TRPM3: variants seen among roughly 807,000 people sequenced by gnomAD.
The protein encoded by TRPM3 is transient receptor potential cation channel subfamily M member 3.
TRPM3 carries 77 observed loss-of-function variants against 181.2 expected under a neutral mutation model. The observed-to-expected ratio is 0.42, with a 90% CI of 0.35 to 0.51. The LOEUF (loss-of-function observed/expected upper bound fraction) is 0.51, where lower values mean the gene tolerates loss of function less well. Among genes scored for constraint, TRPM3 ranks in the 20% least tolerant of loss-of-function variants. The pLI is 0.01. For missense variants in TRPM3, 1,759 were observed against 2,196.7 expected, an observed-to-expected ratio of 0.80 and a Z score of 3.98; for synonymous variants, 745 against 796.4, an observed-to-expected ratio of 0.94 and a Z score of 1.09.
At position 71,177,007 on chromosome 9, in the gene TRPM3, A is replaced by G. The variant is rs369211870; in HGVS notation, c.183+269646T>C. Among the ~76,000 whole-genome samples the G allele has an allele frequency of 1.7e-4, 26 of 152,210 alleles. No individual in the cohort carries two copies. The South Asian group carries it at 2.1e-3, about 12-fold the overall frequency. ...GTGGCATGCAAGAGAGCGAAGCTTC[A>G]TCTGTATTTACAGCCACCTCCCATC... On this transcript the variant is annotated intron_variant, in intron 1 of 24. Transcript: ENST00000357533.
chr9:70,692,628 G>A (rs970025501), intron 8 of TRPM3, among the ~76,000 whole-genome samples: 4 of 152,228 alleles, frequency 2.6e-5, no homozygotes, highest in African/African-American at 7.2e-5. Context: ...GAGGAGCCAT[G>A]CGCAGAATCA....
intron 1 of TRPM3, among the ~76,000 whole-genome samples, chr9:70,905,790 T>G (rs77132135): frequency 0.029 from 4,432 of 151,818 alleles, 231 homozygotes; most frequent in African/African-American, 0.1. Context: ...GCACCCAGGC[T>G]GGAGTGCGGT....
At chr9:70,562,823 A>T (rs2049469754) in intron 22 of TRPM3, among the ~76,000 whole-genome samples, 1 of 152,164 alleles carries the variant, frequency 6.6e-6, no homozygotes, top group Non-Finnish European at 1.5e-5. Context: ...ATTTTATGCA[A>T]ATCTTGCCTT....
intron 1 of TRPM3, among the ~76,000 whole-genome samples, chr9:71,275,360 A>G (rs1443976655): frequency 2.0e-5 from 3 of 152,244 alleles, no homozygotes; most frequent in African/African-American, 7.2e-5. Context: ...AAATTGTAAC[A>G]TTTTATTGAA....
At chr9:71,268,943 T>C (rs1388587373) in intron 1 of TRPM3, among the ~76,000 whole-genome samples, 2 of 152,000 alleles carry the variant, frequency 1.3e-5, no homozygotes, top group Non-Finnish European at 2.9e-5. Context: ...AGGAGTAAGG[T>C]TAGAGGCCAT....
At chr9:71,302,559 A>T (rs1215212160) in intron 1 of TRPM3, among the ~76,000 whole-genome samples, 1 of 152,222 alleles carries the variant, frequency 6.6e-6, no homozygotes, top group Non-Finnish European at 1.5e-5. Context: ...CATTGGTTCA[A>T]GCGAAAGGTA....
chr9:70,842,511 G>A (rs2094743813), intron 5 of TRPM3, among the ~76,000 whole-genome samples: 1 of 152,016 alleles, frequency 6.6e-6, no homozygotes, highest in African/African-American at 2.4e-5. Context: ...AATTTTTGTG[G>A]CTCAGATAGA....
intron 1 of TRPM3, among the ~76,000 whole-genome samples, chr9:71,368,223 A>G: frequency 6.6e-6 from 1 of 152,132 alleles, no homozygotes; most frequent in East Asian, 1.9e-4. Flanking sequence ...ATTGTGAGTA[A>G]AACTGTAGAA....
intron 5 of TRPM3, among the ~76,000 whole-genome samples, chr9:70,830,279 T>G (rs1349154059): frequency 6.6e-6 from 1 of 152,250 alleles, no homozygotes; most frequent in Non-Finnish European, 1.5e-5. Context: ...GCCAAGCTGA[T>G]GTATTCACCA....
chr9:71,006,157 G>A (rs184526169), intron 1 of TRPM3, among the ~76,000 whole-genome samples: 2 of 151,972 alleles, frequency 1.3e-5, no homozygotes, highest in African/African-American at 2.4e-5. Context: ...AGTTAGCCCC[G>A]CGTGTTGCCA....
chr9:70,802,977 G>C (rs1429614027), intron 6 of TRPM3, among the ~76,000 whole-genome samples: 1 of 145,526 alleles, frequency 6.9e-6, no homozygotes, highest in African/African-American at 2.5e-5. Context: ...TCTCAGGAGA[G>C]GTTTGTGTTG....
At chr9:71,040,424 G>A (rs1182684631) in intron 1 of TRPM3, among the ~76,000 whole-genome samples, 1 of 152,082 alleles carries the variant, frequency 6.6e-6, no homozygotes, top group African/African-American at 2.4e-5. Context: ...AGTTACAGTG[G>A]GATGTCAGAG....
At chr9:71,035,615 G>A (rs1228106927) in intron 1 of TRPM3, among the ~76,000 whole-genome samples, 1 of 152,132 alleles carries the variant, frequency 6.6e-6, no homozygotes, top group Non-Finnish European at 1.5e-5. Context: ...TACTCAGGAG[G>A]CTGAGGCATG....
intron 1 of TRPM3, among the ~76,000 whole-genome samples, chr9:71,130,170 T>A (rs779350771): frequency 1.3e-5 from 2 of 152,218 alleles, no homozygotes; most frequent in Non-Finnish European, 2.9e-5. Flanking sequence ...AAGTTTACAC[T>A]GTAAGTTTCA....
At chr9:71,407,069 A>G (rs2093449997) in intron 1 of TRPM3, among the ~76,000 whole-genome samples, 1 of 152,174 alleles carries the variant, frequency 6.6e-6, no homozygotes, top group South Asian at 2.1e-4. Flanking sequence ...TATGTTTCCT[A>G]TCTAGCTCAG....
intron 1 of TRPM3, among the ~76,000 whole-genome samples, chr9:71,045,654 G>T (rs190912737): frequency 3.3e-5 from 5 of 152,270 alleles, no homozygotes; most frequent in Admixed American, 2.6e-4. Context: ...ATTTTTGACT[G>T]GGAGAAAGAA....
chr9:71,380,952 G>A (rs907945752), intron 1 of TRPM3, among the ~76,000 whole-genome samples: 7 of 151,268 alleles, frequency 4.6e-5, no homozygotes, highest in Non-Finnish European at 8.8e-5. Context: ...AAATGAAGAC[G>A]ACGACAAAAT....
intron 1 of TRPM3, among the ~76,000 whole-genome samples, chr9:71,401,280 A>T (rs892856574): frequency 6.6e-6 from 1 of 152,100 alleles, no homozygotes; most frequent in Non-Finnish European, 1.5e-5. Flanking sequence ...AACTGAAACA[A>T]ACACACGTGG....
chr9:70,912,449 G>T (rs1443477342), intron 1 of TRPM3, among the ~76,000 whole-genome samples: 4 of 152,178 alleles, frequency 2.6e-5, no homozygotes, highest in African/African-American at 9.7e-5. Flanking sequence ...CTGAGTAGCT[G>T]CCTCATGGAC....
Sources: gnomAD v4.1 joint callset for allele counts (sites outside exome capture counted in the v4.1 genomes callset) on GRCh38, gnomAD v4.1.1 for gene constraint, MANE v1.5 for transcripts, NCBI Gene and HGNC (gene_info 2026-07-23, HGNC 2026-07-21) for gene names.